GLYATL2: variants seen among roughly 807,000 people sequenced by gnomAD.
The protein encoded by GLYATL2 is glycine N-acyltransferase-like protein 2.
A neutral mutation model predicts 21.4 loss-of-function variants in GLYATL2; 25 were observed. The ratio of observed to expected loss-of-function variants is 1.17; its 90% CI spans 0.85 to 1.63. The LOEUF is 1.63. Ranked by LOEUF, GLYATL2 falls within the 40% of genes most tolerant of loss-of-function variation. GLYATL2 has a pLI of 0.00. For synonymous variants in GLYATL2, 114 were observed against 118.2 expected, an observed-to-expected ratio of 0.96 and a Z score of 0.23; for missense variants, 361 against 343.3, an observed-to-expected ratio of 1.05 and a Z score of -0.41.
At chr11:58,896,532 C>G (rs980449562) in intron 1 of GLYATL2, among the ~76,000 whole-genome samples, 2 of 152,186 alleles carry the variant, frequency 1.3e-5, no homozygotes, top group Non-Finnish European at 2.9e-5. Context: ...GATGCTGCTT[C>G]CCTGCCATCT....
intron 5 of GLYATL2, among the ~76,000 whole-genome samples, chr11:58,836,600 C>T (rs1484209964): frequency 6.6e-6 from 1 of 152,122 alleles, no homozygotes; most frequent in Non-Finnish European, 1.5e-5. Flanking sequence ...ATACATAACT[C>T]ATATAGAGTA....
upstream of GLYATL2, chr11:58,904,316 C>G (rs1326373561): frequency 6.6e-6 from 1 of 152,162 alleles, no homozygotes; most frequent in East Asian, 1.9e-4. Context: ...TGCTACAAAT[C>G]CTCCATTTAA....
intron 1 of GLYATL2, among the ~76,000 whole-genome samples, chr11:58,861,160 A>G (rs1402020933): frequency 2.0e-5 from 3 of 152,064 alleles, no homozygotes; most frequent in African/African-American, 7.2e-5. Flanking sequence ...GGTTTTAGAA[A>G]GATTGACATT....
upstream of GLYATL2, among the ~76,000 whole-genome samples, chr11:58,847,405 A>G (rs939033013): frequency 2.0e-4 from 30 of 152,294 alleles, no homozygotes; most frequent in African/African-American, 5.1e-4. Context: ...GACATCCCCA[A>G]TTGCAGGACT....
intron 1 of GLYATL2, among the ~76,000 whole-genome samples, chr11:58,903,338 T>C (rs1050737499): frequency 1.3e-5 from 2 of 152,194 alleles, no homozygotes; most frequent in African/African-American, 4.8e-5. Context: ...GATCTCTCTC[T>C]GTGAACTTTC....
At chr11:58,845,964 G>A (rs1361166678), upstream of GLYATL2, among the ~76,000 whole-genome samples, 1 of 152,060 alleles carries the variant, frequency 6.6e-6, no homozygotes, top group Non-Finnish European at 1.5e-5. Context: ...TATAGTTTTA[G>A]TTACTCTACT....
upstream of GLYATL2, chr11:58,907,279 C>T (rs1054071828): frequency 1.3e-5 from 6 of 456,130 alleles, no homozygotes; most frequent in Non-Finnish European, 2.6e-5. Flanking sequence ...CTCTTGTCAC[C>T]TTGGTCTCTC....
intron 1 of GLYATL2, among the ~76,000 whole-genome samples, chr11:58,856,428 C>T (rs1853828681): frequency 6.6e-6 from 1 of 152,062 alleles, no homozygotes; most frequent in African/African-American, 2.4e-5. Context: ...AAAGATTTTT[C>T]CTTGCATTCA....
intron 1 of GLYATL2, among the ~76,000 whole-genome samples, chr11:58,851,421 C>G (rs1414530900): frequency 6.6e-6 from 1 of 152,172 alleles, no homozygotes; most frequent in Non-Finnish European, 1.5e-5. Flanking sequence ...ACTATCCTTG[C>G]ATCCTAGGGA....
At chr11:58,896,728 G>GTCTT (rs1854641929) in intron 1 of GLYATL2, among the ~76,000 whole-genome samples, 2 of 66,130 alleles carry the variant, frequency 3.0e-5, no homozygotes, top group East Asian at 4.7e-4. Flanking sequence ...AAACTTAAAC[G>GTCTT]TGTTTGTTTT....
chr11:58,847,241 G>A (rs1853659908), upstream of GLYATL2, among the ~76,000 whole-genome samples: 1 of 152,184 alleles, frequency 6.6e-6, no homozygotes, highest in South Asian at 2.1e-4. Context: ...GAGGATAGCA[G>A]GTTTCAGGTG....
intron 1 of GLYATL2, among the ~76,000 whole-genome samples, chr11:58,873,421 C>T (rs372614337): frequency 2.6e-5 from 4 of 152,168 alleles, no homozygotes; most frequent in East Asian, 3.9e-4. Flanking sequence ...TGGCTGTGGG[C>T]TTGTCATAGA....
chr11:58,864,102 C>G (rs1374754639), intron 1 of GLYATL2, among the ~76,000 whole-genome samples: 1 of 152,136 alleles, frequency 6.6e-6, no homozygotes, highest in African/African-American at 2.4e-5. Context: ...CTAGGGTGGA[C>G]TTGGAGTCTG....
chr11:58,851,398 T>C (rs562717), intron 1 of GLYATL2, among the ~76,000 whole-genome samples: 134,997 of 152,160 alleles, frequency 0.89, 61,047 homozygotes, highest in Non-Finnish European at 0.98. Context: ...ACTGGTTGAT[T>C]TGCATATTTT....
In GLYATL2 at chr11:58,897,406, T is replaced by A. The variant is rs183006283; in HGVS notation, n.60+6750A>T. On this transcript the variant is annotated intron_variant and non_coding_transcript_variant, in intron 1 of 4. Coordinates refer to the GLYATL2 transcript ENST00000533636. ...TTGTAATGATGTCCAAGGTCACCCC[T>A]GTGGATAACAAAAATATTTAAAAAC... 4.9e-4 allele frequency among the ~76,000 whole-genome samples: 75 copies of A among 152,302 alleles called. No homozygotes were observed. The East Asian group carries it at 9.1e-3, about 18-fold the overall frequency.
In GLYATL2 at chr11:58,834,101, A is replaced by T. The variant is rs1180950758; in HGVS notation, c.*328T>A. 1.1e-5 allele frequency: 2 copies of T among 180,540 alleles called. No homozygotes were observed. Among genetic ancestry groups the T allele is most frequent in the Non-Finnish European group, 1.1e-5 (1 of 87,700 alleles). The allele number at this position is 180,540 out of a possible 1,614,324, so 11.2% of individuals were successfully genotyped here. ...GACTTTTTATTTTAACAAGAAAGTC[A>T]TAAAAGTGAATTTTTTCATGAAAGA... On this transcript the variant is annotated 3_prime_UTR_variant, in exon 6 of 6. Coordinates refer to ENST00000287275, the MANE Select transcript of GLYATL2 (RefSeq NM_145016.4).
chr11:58,860,193 A>G (rs1461874662), intron 1 of GLYATL2, among the ~76,000 whole-genome samples: 2 of 152,114 alleles, frequency 1.3e-5, no homozygotes, highest in Admixed American at 1.3e-4. Context: ...GAATCTGTAA[A>G]TCACTTGGGC....
chr11:58,841,659 A>T (rs1214114772), intron 1 of GLYATL2, among the ~76,000 whole-genome samples: 2 of 152,192 alleles, frequency 1.3e-5, no homozygotes, highest in Non-Finnish European at 2.9e-5. Flanking sequence ...CAAACCACAG[A>T]TCTAGAAAAA....
chr11:58,834,773 C>T lies in GLYATL2; in HGVS notation c.541G>A (p.Ala181Thr). The part of the protein sequence containing the change: ...SHAGLVNEHW[A>T]FGKNERSLKY... ...AAGCTCCTCTCATTTTTCCCAAAGGCCCAGTGTTCATTCACAAGACCTGCA... is the reference window on the plus strand; with the variant it reads ...AAGCTCCTCTCATTTTTCCCAAAGGTCCAGTGTTCATTCACAAGACCTGCA... The change falls in exon 6 of 6, where the codon GCC becomes ACC. Residue 181 changes from alanine (A) to threonine (T), a missense_variant. Physicochemically the swap from Ala to Thr is moderately conservative, Grantham distance 58 (BLOSUM62 0). Coordinates refer to ENST00000287275, the MANE Select transcript of GLYATL2 (RefSeq NM_145016.4). The T allele has an allele frequency of 6.2e-7, 1 of 1,613,530 alleles. No individual in the cohort carries two copies. Among genetic ancestry groups the T allele is most frequent in the Admixed American group, 1.7e-5 (1 of 59,980 alleles).
Sources: allele counts gnomAD v4.1 joint callset (sites outside exome capture counted in the v4.1 genomes callset), GRCh38; gene constraint gnomAD v4.1.1; transcripts MANE v1.5; gene names NCBI Gene and HGNC (gene_info 2026-07-23, HGNC 2026-07-21).